ANK3: variants seen among roughly 807,000 people sequenced by gnomAD.
ANK3 encodes the protein ankyrin 3.
ANK3 carries 57 observed loss-of-function variants against 370.9 expected under a neutral mutation model. The ratio of observed to expected loss-of-function variants is 0.15; its 90% CI spans 0.12 to 0.19. The LOEUF (loss-of-function observed/expected upper bound fraction) is 0.19, where lower values mean the gene tolerates loss of function less well. Ranked by LOEUF, ANK3 falls within the 10% of genes least tolerant of loss-of-function variation. The pLI is 1.00. For synonymous variants in ANK3, 1,929 were observed against 1,946.3 expected, an observed-to-expected ratio of 0.99 and a Z score of 0.23; for missense variants, 4,439 against 5,302.1, an observed-to-expected ratio of 0.84 and a Z score of 5.06.
At chr10:60,355,392 G>C (rs1165826808) in intron 1 of ANK3, among the ~76,000 whole-genome samples, 2 of 151,940 alleles carry the variant, frequency 1.3e-5, no homozygotes, top group African/African-American at 4.8e-5. Context: ...TAGCTTTTGT[G>C]CCACTGTCTT....
chr10:60,246,721 T>A (rs1372686647), intron 7 of ANK3, among the ~76,000 whole-genome samples: 2 of 152,214 alleles, frequency 1.3e-5, no homozygotes, highest in Non-Finnish European at 2.9e-5. Flanking sequence ...GTTAATCCTG[T>A]CAGAGGGCTC....
intron 9 of ANK3, among the ~76,000 whole-genome samples, chr10:60,209,217 A>T (rs558415739): frequency 9.7e-4 from 147 of 152,316 alleles, no homozygotes; most frequent in African/African-American, 3.4e-3. Flanking sequence ...AATTTAACAT[A>T]TATTAGGGAA....
intron 1 of ANK3, among the ~76,000 whole-genome samples, chr10:60,288,963 G>C (rs2040683375): frequency 6.6e-6 from 1 of 151,650 alleles, no homozygotes; most frequent in African/African-American, 2.4e-5. Context: ...ATTGGTCTGA[G>C]ATGGGATGTT....
intron 1 of ANK3, among the ~76,000 whole-genome samples, chr10:60,639,698 A>G (rs1009780289): frequency 1.6e-4 from 24 of 152,002 alleles, no homozygotes; most frequent in Non-Finnish European, 2.4e-4. Flanking sequence ...AAAGTAAATA[A>G]CTACTAAAGA....
At chr10:60,628,755 G>A (rs1034504097) in intron 1 of ANK3, among the ~76,000 whole-genome samples, 4 of 152,036 alleles carry the variant, frequency 2.6e-5, no homozygotes, top group African/African-American at 7.2e-5. Flanking sequence ...AAAAAAAATC[G>A]TTAATATACA....
Position 60,237,974 on chromosome 10 carries a change from G to A in ANK3, c.799-3188C>T, listed in dbSNP as rs375700054. 4.6e-5 allele frequency among the ~76,000 whole-genome samples: 7 copies of A among 152,272 alleles called. No homozygotes were observed. The East Asian group carries it at 1.2e-3, about 25-fold the overall frequency. Reference sequence around the variant, plus strand: ...CAGAATTTGGGCTCTAGACCCTCAGGCTGTGGTATTTTCAGGCAGGATTCA... The same window carrying A: ...CAGAATTTGGGCTCTAGACCCTCAGACTGTGGTATTTTCAGGCAGGATTCA... On this transcript the variant is annotated intron_variant, in intron 7 of 43. Coordinates refer to ENST00000280772, the MANE Select transcript of ANK3 (RefSeq NM_020987.5).
At chr10:60,691,002 T>A (rs2079344386) in intron 1 of ANK3, among the ~76,000 whole-genome samples, 1 of 152,196 alleles carries the variant, frequency 6.6e-6, no homozygotes, top group Non-Finnish European at 1.5e-5. Context: ...CATACAGATT[T>A]TCTTCACCAT....
At chr10:60,471,606 T>C (rs2065221048) in intron 2 of ANK3, among the ~76,000 whole-genome samples, 1 of 152,138 alleles carries the variant, frequency 6.6e-6, no homozygotes, top group Non-Finnish European at 1.5e-5. Context: ...GATACATTCA[T>C]AGCAGTGAAA....
intron 1 of ANK3, among the ~76,000 whole-genome samples, chr10:60,626,689 C>A (rs2078415068): frequency 6.6e-6 from 1 of 152,052 alleles, no homozygotes; most frequent in Admixed American, 6.6e-5. Context: ...GCCTTAGTGC[C>A]TGAGAGATGC....
intron 14 of ANK3, 66 bp from the exon 15 acceptor site, chr10:60,196,691 C>T (rs1308481838): frequency 1.0e-6 from 1 of 1,001,460 alleles, no homozygotes; most frequent in Admixed American, 2.2e-5. Context: ...CACACAAAAC[C>T]CAAACCAAAC....
intron 42 of ANK3, among the ~76,000 whole-genome samples, chr10:60,054,585 A>C (rs1235925859): frequency 1.3e-5 from 2 of 152,202 alleles, no homozygotes; most frequent in East Asian, 3.8e-4. Context: ...GCCTGAAAAT[A>C]GTCAGATATT....
intron 1 of ANK3, among the ~76,000 whole-genome samples, chr10:60,687,226 C>T (rs1158826695): frequency 6.6e-6 from 1 of 152,120 alleles, no homozygotes; most frequent in Non-Finnish European, 1.5e-5. Flanking sequence ...AGTCCATCCC[C>T]TCTCAATAGT....
intron 2 of ANK3, among the ~76,000 whole-genome samples, chr10:60,510,508 T>C (rs1387092812): frequency 6.6e-6 from 1 of 152,138 alleles, no homozygotes; most frequent in African/African-American, 2.4e-5. Flanking sequence ...ATTTTACAGA[T>C]AAACAGATTT....
At chr10:60,358,645 A>G (rs1304292531) in intron 1 of ANK3, among the ~76,000 whole-genome samples, 1 of 152,148 alleles carries the variant, frequency 6.6e-6, no homozygotes, top group East Asian at 1.9e-4. Flanking sequence ...CCCTACTTGT[A>G]TATCTGACTG....
At chr10:60,080,682 G>T in intron 35 of ANK3, 64 bp from the exon 36 acceptor site, 2 of 1,273,132 alleles carry the variant, frequency 1.6e-6, no homozygotes, top group South Asian at 1.4e-5. Context: ...TCAGTTTTAA[G>T]ACATTTTGTA....
intron 1 of ANK3, among the ~76,000 whole-genome samples, chr10:60,676,627 T>A (rs1007982379): frequency 6.6e-6 from 1 of 152,192 alleles, no homozygotes; most frequent in Non-Finnish European, 1.5e-5. Context: ...TTAATCATCA[T>A]GATTCCTTCA....
chr10:60,361,783 T>A (rs962808384), intron 1 of ANK3, among the ~76,000 whole-genome samples: 1 of 152,232 alleles, frequency 6.6e-6, no homozygotes, highest in East Asian at 1.9e-4. Flanking sequence ...AGGTCGTTAA[T>A]CCAGTTTTAT....
intron 42 of ANK3, among the ~76,000 whole-genome samples, chr10:60,051,784 CAT>C (rs1491184723): frequency 2.8e-5 from 3 of 107,800 alleles, no homozygotes; most frequent in African/African-American, 3.9e-5. Context: ...TTACTCTGTG[CAT>C]GTGTGTGTGT....
chr10:60,370,623 G>A (rs911886725), intron 1 of ANK3, among the ~76,000 whole-genome samples: 2 of 152,156 alleles, frequency 1.3e-5, no homozygotes, highest in African/African-American at 2.4e-5. Context: ...GATTGCCATA[G>A]TCTAGATCTG....
Sources: gnomAD v4.1 joint callset for allele counts (sites outside exome capture counted in the v4.1 genomes callset) on GRCh38, gnomAD v4.1.1 for gene constraint, MANE v1.5 for transcripts, NCBI Gene and HGNC (gene_info 2026-07-23, HGNC 2026-07-21) for gene names.